Variants in HHAT observed in about 807,000 individuals in gnomAD.
HHAT encodes protein-cysteine N-palmitoyltransferase HHAT.
A neutral mutation model predicts 70.8 loss-of-function variants in HHAT; 47 were observed. The observed-to-expected ratio is 0.66, with a 90% CI of 0.53 to 0.85. HHAT has a LOEUF of 0.85. Among genes scored for constraint, HHAT ranks in the 40% least tolerant of loss-of-function variants. The pLI is 0.00. For missense variants in HHAT, 609 were observed against 604.8 expected, an observed-to-expected ratio of 1.01 and a Z score of -0.07; for synonymous variants, 228 against 247.6, an observed-to-expected ratio of 0.92 and a Z score of 0.74.
intron 9 of HHAT, among the ~76,000 whole-genome samples, chr1:210,571,084 C>G (rs142213784): frequency 6.6e-6 from 1 of 152,354 alleles, no homozygotes; most frequent in Non-Finnish European, 1.5e-5. Flanking sequence ...TTCTTAACCT[C>G]TGAAAATAAA....
intron 11 of HHAT, among the ~76,000 whole-genome samples, chr1:210,668,534 T>A (rs1679410571): frequency 6.6e-6 from 1 of 152,226 alleles, no homozygotes; most frequent in Admixed American, 6.5e-5. Flanking sequence ...ATGTAAGATA[T>A]GCCTTTGCTC....
chr1:210,561,677 T>C (rs573220717), intron 9 of HHAT, among the ~76,000 whole-genome samples: 2 of 152,384 alleles, frequency 1.3e-5, no homozygotes, highest in East Asian at 3.9e-4. Context: ...AATAATTGTA[T>C]ATATTTATGG....
In HHAT at chr1:210,675,535, T is replaced by G. The variant is rs918279112; in HGVS notation, c.*1156T>G. ...AATTTGAATCCATAATATATCTAAT[T>G]ACAGGAGAATTTACAACATCTCAAG... On this transcript the variant is annotated 3_prime_UTR_variant, in exon 12 of 12. Transcript: ENST00000261458. 6.6e-6 allele frequency: 1 copy of G among 152,062 alleles called. No homozygotes were observed. Among genetic ancestry groups the G allele is most frequent in the African/African-American group, 2.4e-5 (1 of 41,404 alleles). The allele number at this position is 152,062 out of a possible 1,614,324, so 9.4% of individuals were successfully genotyped here.
intron 9 of HHAT, among the ~76,000 whole-genome samples, chr1:210,582,337 C>G (rs562225158): frequency 6.6e-6 from 1 of 152,140 alleles, no homozygotes; most frequent in Non-Finnish European, 1.5e-5. Context: ...TGCCCCAGCC[C>G]GGCCGAGGAA....
chr1:210,426,521 A>G (rs1026296885), intron 7 of HHAT, among the ~76,000 whole-genome samples: 2 of 152,124 alleles, frequency 1.3e-5, no homozygotes, highest in African/African-American at 4.8e-5. Context: ...TTCCTTTAAT[A>G]TCTAGTTTAT....
intron 9 of HHAT, among the ~76,000 whole-genome samples, chr1:210,520,881 T>C (rs1035766665): frequency 2.0e-5 from 3 of 152,218 alleles, no homozygotes; most frequent in Admixed American, 6.5e-5. Flanking sequence ...AGAGACCATG[T>C]GTGAGTTCAT....
chr1:210,440,080 C>A (rs2148354179), intron 7 of HHAT, among the ~76,000 whole-genome samples: 1 of 151,906 alleles, frequency 6.6e-6, no homozygotes, highest in Non-Finnish European at 1.5e-5. Flanking sequence ...TCAGTCCATA[C>A]CCTAAGCTGA....
At chr1:210,399,511 C>T (rs1337893900) in intron 4 of HHAT, among the ~76,000 whole-genome samples, 2 of 152,240 alleles carry the variant, frequency 1.3e-5, no homozygotes, top group Admixed American at 1.3e-4. Context: ...GCCTCGGCCT[C>T]CCAAAGTGCT....
chr1:210,513,292 A>T, intron 9 of HHAT, 104 bp downstream of exon 9: 1 of 622,296 alleles, frequency 1.6e-6, no homozygotes, highest in Non-Finnish European at 2.8e-6. Flanking sequence ...AATGGCACTT[A>T]TATATATACT....
At chr1:210,487,303 A>T (rs2094487365) in intron 8 of HHAT, among the ~76,000 whole-genome samples, 1 of 126,402 alleles carries the variant, frequency 7.9e-6, no homozygotes, top group Admixed American at 8.9e-5. Context: ...AATACTCAAA[A>T]ATAATGAAAA....
intron 7 of HHAT, among the ~76,000 whole-genome samples, chr1:210,420,766 A>G (rs986563213): frequency 1.3e-5 from 2 of 152,076 alleles, no homozygotes; most frequent in African/African-American, 2.4e-5. Flanking sequence ...TCACAAAGCC[A>G]TACTTTACCT....
chr1:210,473,838 C>A (rs2094253197), intron 8 of HHAT, among the ~76,000 whole-genome samples: 2 of 152,298 alleles, frequency 1.3e-5, no homozygotes, highest in South Asian at 4.1e-4. Flanking sequence ...GGTCTTCAAG[C>A]TTCTGGGTCT....
chr1:210,361,413 C>T (rs557327956), intron 2 of HHAT, among the ~76,000 whole-genome samples: 1 of 152,318 alleles, frequency 6.6e-6, no homozygotes, highest in South Asian at 2.1e-4. Context: ...CCATGGCACA[C>T]CCAGATCACT....
At chr1:210,334,077 A>G (rs894329576) in intron 1 of HHAT, among the ~76,000 whole-genome samples, 1 of 151,196 alleles carries the variant, frequency 6.6e-6, no homozygotes, top group East Asian at 2.0e-4. Context: ...AATTCTCTCT[A>G]TGGACACCTT....
At chr1:210,396,193 C>G (rs1041499364) in intron 4 of HHAT, among the ~76,000 whole-genome samples, 2 of 152,094 alleles carry the variant, frequency 1.3e-5, no homozygotes, top group African/African-American at 4.8e-5. Flanking sequence ...TAAACACTTC[C>G]CCTCTTCCCC....
At chr1:210,334,031 C>T (rs2147910956) in intron 1 of HHAT, among the ~76,000 whole-genome samples, 1 of 152,092 alleles carries the variant, frequency 6.6e-6, no homozygotes, top group Non-Finnish European at 1.5e-5. Flanking sequence ...GCCAGAAATT[C>T]ATGAAAATAA....
At chr1:210,588,150 C>A in intron 10 of HHAT, 51 bp downstream of exon 10, 1 of 1,460,044 alleles carries the variant, frequency 6.8e-7, no homozygotes, top group Non-Finnish European at 9.3e-7. Context: ...CTAGGCAGAT[C>A]AGGTTTATTA....
chr1:210,654,655 G>T (rs1675999605), intron 11 of HHAT, among the ~76,000 whole-genome samples: 1 of 152,202 alleles, frequency 6.6e-6, no homozygotes, highest in Non-Finnish European at 1.5e-5. Context: ...GTTGAATGAT[G>T]AGAGTCGCAT....
chr1:210,450,790 A>T (rs2148396105), intron 7 of HHAT, among the ~76,000 whole-genome samples: 1 of 152,202 alleles, frequency 6.6e-6, no homozygotes, highest in African/African-American at 2.4e-5. Flanking sequence ...ACTGGCAGTA[A>T]CGTTTTTTCT....
Sources: gnomAD v4.1 joint callset for allele counts (sites outside exome capture counted in the v4.1 genomes callset) on GRCh38, gnomAD v4.1.1 for gene constraint, MANE v1.5 for transcripts, NCBI Gene and HGNC (gene_info 2026-07-23, HGNC 2026-07-21) for gene names.